The following HRH1 variants were observed in gnomAD, a reference collection of about 807,000 sequenced individuals.
HRH1 encodes the protein histamine H1 receptor.
HRH1 carries 6 observed loss-of-function variants against 10.3 expected under a neutral mutation model. The observed-to-expected ratio is 0.58, with a 90% CI of 0.32 to 1.15. The LOEUF is 1.15. Among genes scored for constraint, HRH1 ranks in the 50% most tolerant of loss-of-function variants. HRH1 has a pLI of 0.05. For synonymous variants in HRH1, 242 were observed against 236.7 expected (o/e 1.02, Z -0.21); for missense variants, 514 against 615.3 (o/e 0.84, Z 1.74).
At position 11,262,668 on chromosome 3, in the gene HRH1, A is replaced by C. The variant is rs1939987596; in HGVS notation, c.*2167A>C. The C allele has an allele frequency of 6.0e-6, 1 of 167,194 alleles. No individual in the cohort carries two copies. Among genetic ancestry groups the C allele is most frequent in the East Asian group, 1.9e-4 (1 of 5,192 alleles). The allele number at this position is 167,194 out of a possible 1,614,324, so 10.4% of individuals were successfully genotyped here. On this transcript the variant is annotated 3_prime_UTR_variant, in exon 2 of 2. Coordinates refer to ENST00000431010, the MANE Select transcript of HRH1 (RefSeq NM_001098212.2). ...GAGCACTTCACACAGACAAGTGGCT[A>C]AGTGTCCATTATTTACCTTGAACAA...
In HRH1 at chr3:11,223,087, C is replaced by T. The variant is rs558134090; in HGVS notation, c.-35-35916C>T. On this transcript the variant is annotated intron_variant, in intron 1 of 1. Transcript: ENST00000431010. Reference sequence around the variant, plus strand: ...GTAGTCCCAGCTACTCAGGAAGCTGCGGCAGGAGAATCGCTTGAATCCAGG... The same window carrying T: ...GTAGTCCCAGCTACTCAGGAAGCTGTGGCAGGAGAATCGCTTGAATCCAGG... Among the ~76,000 whole-genome samples the T allele has an allele frequency of 5.6e-5, 8 of 141,746 alleles. No homozygotes were observed. In the East Asian group the frequency reaches 6.9e-4, roughly 12 times the overall value. The allele number at this position is 141,746 out of a possible 152,430, so 93.0% of individuals were successfully genotyped here. A position where few individuals can be genotyped will look rare whatever the true frequency, so the allele number is the denominator to read the frequency against.
intron 1 of HRH1, among the ~76,000 whole-genome samples, chr3:11,246,020 T>A (rs370441963): frequency 6.8e-6 from 1 of 146,546 alleles, no homozygotes; most frequent in Non-Finnish European, 1.5e-5. Context: ...ACACATACAC[T>A]CACACTCATA....
At chr3:11,168,929 C>T (rs1046471846) in intron 1 of HRH1, among the ~76,000 whole-genome samples, 24 of 152,220 alleles carry the variant, frequency 1.6e-4, no homozygotes, top group African/African-American at 5.8e-4. Context: ...ATTTAAATCC[C>T]CATAGCCCCA....
intron 1 of HRH1, among the ~76,000 whole-genome samples, chr3:11,138,322 TA>T (rs962924325): frequency 2.0e-4 from 31 of 151,734 alleles, no homozygotes; most frequent in Admixed American, 1.2e-3. Flanking sequence ...GCGCCCAGCC[TA>T]AACAAGGAAC....
At chr3:11,216,974 A>C (rs777505911) in intron 1 of HRH1, among the ~76,000 whole-genome samples, 15 of 152,088 alleles carry the variant, frequency 9.9e-5, no homozygotes, top group Non-Finnish European at 1.8e-4. Context: ...GCCTGAGCTC[A>C]GGAGTTCAAA....
intron 1 of HRH1, among the ~76,000 whole-genome samples, chr3:11,208,599 C>T (rs540802497): frequency 6.6e-6 from 1 of 152,336 alleles, no homozygotes; most frequent in Non-Finnish European, 1.5e-5. Flanking sequence ...TTTTTGTAGA[C>T]TTTTCTGCAA....
intron 1 of HRH1, among the ~76,000 whole-genome samples, chr3:11,165,196 G>A (rs1937007206): frequency 6.6e-6 from 1 of 152,208 alleles, no homozygotes; most frequent in African/African-American, 2.4e-5. Context: ...CCTTCACTGT[G>A]CTGCAAAGCC....
At chr3:11,235,771 C>T (rs187288861) in intron 1 of HRH1, among the ~76,000 whole-genome samples, 38 of 152,334 alleles carry the variant, frequency 2.5e-4, no homozygotes, top group Non-Finnish European at 2.9e-4. Flanking sequence ...AGGACAGGAG[C>T]GGGGCACAGT....
At chr3:11,142,519 G>A (rs1936311161) in intron 1 of HRH1, among the ~76,000 whole-genome samples, 1 of 152,118 alleles carries the variant, frequency 6.6e-6, no homozygotes, top group Non-Finnish European at 1.5e-5. Context: ...AAAGAAAAAA[G>A]ACAATCAGAG....
chr3:11,154,363 G>T (rs1259227217), upstream of HRH1, among the ~76,000 whole-genome samples: 6 of 151,482 alleles, frequency 4.0e-5, no homozygotes, highest in Non-Finnish European at 7.4e-5. This position sits in a 1 kb window ranked among gnomAD's most constrained non-coding sequence, Gnocchi z 4.4. Flanking sequence ...CCGGGTGCGG[G>T]GGCGCTGCAG....
chr3:11,197,124 CAAA>C (rs11330219), intron 1 of HRH1, among the ~76,000 whole-genome samples: 5 of 106,022 alleles, frequency 4.7e-5, no homozygotes, highest in Admixed American at 1.0e-4. Flanking sequence ...GACTCCATCT[CAAA>C]AAAAAAAAAA....
At chr3:11,244,276 AAAC>A (rs1239477690) in intron 1 of HRH1, among the ~76,000 whole-genome samples, 3 of 152,254 alleles carry the variant, frequency 2.0e-5, no homozygotes, top group African/African-American at 7.2e-5. Context: ...TGGAAGTTGC[AAAC>A]AACACTTGCA....
At position 11,211,469 on chromosome 3, in the gene HRH1, A is replaced by T. The variant is rs374111640; in HGVS notation, c.-35-47534A>T. On this transcript the variant is annotated intron_variant, in intron 1 of 1. Transcript: ENST00000431010. The stretch of plus-strand genomic sequence containing the variant: ...TAACTTCAACAAATTAAGACGTGAA[A>T]CAGTGTTTCATAATCACAATTAGGC... Among the ~76,000 whole-genome samples the T allele has an allele frequency of 9.8e-5, 15 of 152,356 alleles. No homozygotes were observed. The South Asian group carries it at 2.9e-3, about 29-fold the overall frequency.
At chr3:11,178,782 C>G (rs1398919058) in intron 1 of HRH1, among the ~76,000 whole-genome samples, 1 of 152,130 alleles carries the variant, frequency 6.6e-6, no homozygotes, top group Non-Finnish European at 1.5e-5. Flanking sequence ...AGAGCCCTTC[C>G]TTCATACGTC....
intron 1 of HRH1, among the ~76,000 whole-genome samples, chr3:11,247,816 G>A (rs745694631): frequency 1.2e-4 from 18 of 152,114 alleles, no homozygotes; most frequent in African/African-American, 4.1e-4. Flanking sequence ...TGAATAAGGT[G>A]GGGGGGAACT....
chr3:11,213,944 C>A (rs1032108952), intron 1 of HRH1, among the ~76,000 whole-genome samples: 1 of 152,080 alleles, frequency 6.6e-6, no homozygotes, highest in Non-Finnish European at 1.5e-5. Context: ...AGGTTTTCTA[C>A]CCAGGTGGTT....
Position 11,205,619 on chromosome 3 carries a change from C to T in HRH1, c.-36+51065C>T, listed in dbSNP as rs532936666. Among the ~76,000 whole-genome samples, 10 of 151,582 alleles carry T rather than the reference C, an allele frequency of 6.6e-5. No homozygotes were observed. The South Asian group carries it at 1.5e-3, about 22-fold the overall frequency. ...TGAGCTCTCCCAGCACCCCATGTTT[C>T]GCATGGGCAAGAGCTCTGTTCCCCA... On this transcript the variant is annotated intron_variant, in intron 1 of 1. Transcript: ENST00000431010.
In HRH1 at chr3:11,260,225, G is replaced by T. The variant is rs199900564; in HGVS notation, c.1188G>T (p.Ser396=). The T allele has an allele frequency of 2.5e-6, 4 of 1,614,128 alleles. No individual in the cohort carries two copies. The highest frequency in any genetic ancestry group is 3.4e-6 in the Non-Finnish European group (4 of 1,180,040). The change falls in exon 2 of 2, where the codon TCG becomes TCT. Residue 396 remains serine, a synonymous_variant. Coordinates refer to ENST00000431010, the MANE Select transcript of HRH1 (RefSeq NM_001098212.2). ...AGTTTACTTGGAAGAGGCTCCGCTC[G>T]CATTCAAGACAGTATGTATCTGGGT... ...YIKFTWKRLR[S]HSRQYVSGLH... is the part of the protein sequence containing the mutation.
chr3:11,193,694 C>T (rs770133607), intron 1 of HRH1, among the ~76,000 whole-genome samples: 7 of 152,130 alleles, frequency 4.6e-5, no homozygotes, highest in Admixed American at 1.3e-4. Context: ...AAGCTCAAGG[C>T]GACAGCAGAT....
Sources: gnomAD v4.1 joint callset for allele counts (sites outside exome capture counted in the v4.1 genomes callset) on GRCh38, gnomAD v4.1.1 for gene constraint, Gnocchi (gnomAD v3.1) non-coding constraint, MANE v1.5 for transcripts, NCBI Gene and HGNC (gene_info 2026-07-23, HGNC 2026-07-21) for gene names.